NCOA2: variants seen among roughly 807,000 people sequenced by gnomAD.
NCOA2 encodes the protein nuclear receptor coactivator 2.
In NCOA2, 21 loss-of-function variants were observed where a neutral mutation model predicts 145.1. That is an observed-to-expected ratio of 0.14 (90% confidence interval 0.10 to 0.21). The LOEUF (loss-of-function observed/expected upper bound fraction) is 0.21, where lower values mean the gene tolerates loss of function less well. Among genes scored for constraint, NCOA2 ranks in the 10% least tolerant of loss-of-function variants. NCOA2 has a pLI of 1.00. For missense variants in NCOA2, 1,472 were observed against 1,837.6 expected (o/e 0.80, Z 3.64); for synonymous variants, 619 against 637.5 (o/e 0.97, Z 0.44).
chr8:70,273,991 C>A (rs774288765), intron 2 of NCOA2, among the ~76,000 whole-genome samples: 1 of 152,064 alleles, frequency 6.6e-6, no homozygotes, highest in Non-Finnish European at 1.5e-5. Context: ...AGCTCAAGTC[C>A]CTTGGACACT....
intron 1 of NCOA2, among the ~76,000 whole-genome samples, chr8:70,368,504 A>T (rs1373475384): frequency 6.6e-6 from 1 of 152,228 alleles, no homozygotes; most frequent in Non-Finnish European, 1.5e-5. Flanking sequence ...TACAGCCATT[A>T]TTTAGTTTTT....
intron 1 of NCOA2, among the ~76,000 whole-genome samples, chr8:70,403,443 C>T (rs1192084956): frequency 6.6e-6 from 1 of 151,560 alleles, no homozygotes; most frequent in Non-Finnish European, 1.5e-5. Context: ...GGGGACTCCG[C>T]GTCTCCCCGT....
chr8:70,223,551 T>C (rs975699489), intron 2 of NCOA2, among the ~76,000 whole-genome samples: 4 of 152,202 alleles, frequency 2.6e-5, no homozygotes, highest in East Asian at 1.9e-4. Flanking sequence ...ATACATCTTA[T>C]AGATTATCTA....
chr8:70,165,541 A>G (rs1291059468), intron 7 of NCOA2, among the ~76,000 whole-genome samples: 1 of 152,148 alleles, frequency 6.6e-6, no homozygotes, highest in African/African-American at 2.4e-5. Flanking sequence ...CCCACGCACA[A>G]TGCACTCTTC....
At chr8:70,319,131 G>A (rs919623648) in intron 1 of NCOA2, among the ~76,000 whole-genome samples, 1 of 152,148 alleles carries the variant, frequency 6.6e-6, no homozygotes, top group African/African-American at 2.4e-5. Flanking sequence ...CAATGAAACG[G>A]GAAAGACGGA....
chr8:70,145,913 G>A (rs902451364), intron 12 of NCOA2, among the ~76,000 whole-genome samples: 5 of 152,192 alleles, frequency 3.3e-5, no homozygotes, highest in African/African-American at 1.2e-4. Context: ...TTACAGGCAT[G>A]AGCCACCGTG....
At chr8:70,294,424 A>T (rs1826930728) in intron 2 of NCOA2, among the ~76,000 whole-genome samples, 1 of 152,158 alleles carries the variant, frequency 6.6e-6, no homozygotes, top group Non-Finnish European at 1.5e-5. Context: ...CAGAAAAAGG[A>T]ATTAGAATAG....
intron 1 of NCOA2, among the ~76,000 whole-genome samples, chr8:70,342,555 T>A (rs1271296997): frequency 6.6e-6 from 1 of 152,018 alleles, no homozygotes; most frequent in African/African-American, 2.4e-5. Flanking sequence ...TGGTTCTACA[T>A]CTACAAACAC....
rs1407363881 is a variant in NCOA2 at position 70,269,116 on chromosome 8, A to AT, written c.-20+27627dup. 2.0e-5 allele frequency among the ~76,000 whole-genome samples: 3 copies of AT among 152,296 alleles called. No individual in the cohort carries two copies. The East Asian group carries it at 5.8e-4, about 29-fold the overall frequency. On this transcript the variant is annotated intron_variant, in intron 2 of 22. Coordinates refer to ENST00000452400, the MANE Select transcript of NCOA2 (RefSeq NM_006540.4). ...CCAAGAATTTTATATCAAAAATGTA[A>AT]TTTTTTAAAATCAGTTATATAAAAT...
chr8:70,292,651 T>A (rs1826786060), intron 2 of NCOA2, among the ~76,000 whole-genome samples: 1 of 152,190 alleles, frequency 6.6e-6, no homozygotes. Context: ...TCCTTTTTAA[T>A]TTAATAATTT....
At chr8:70,151,638 G>A (rs1811761600) in intron 11 of NCOA2, among the ~76,000 whole-genome samples, 1 of 152,096 alleles carries the variant, frequency 6.6e-6, no homozygotes, top group Non-Finnish European at 1.5e-5. Flanking sequence ...AGTATCAAAA[G>A]GAACTAGTTC....
chr8:70,156,160 C>T lies in NCOA2; in HGVS notation c.2205G>A (p.Val735=). ...GTGCATTCTCTTTCTTCTTGGGGCT[C>T]ACCGGCTCTTGTTTAATAGTCACTT... ...GSEVTIKQEP[V]SPKKKENALL... The change falls in exon 11 of 23, where the codon GTG becomes GTA. Residue 735 remains valine (V), a synonymous_variant. Coordinates refer to ENST00000452400, the MANE Select transcript of NCOA2 (RefSeq NM_006540.4). 6.2e-7 allele frequency: 1 copy of T among 1,613,820 alleles called. No homozygotes were observed. The highest frequency in any genetic ancestry group is 8.5e-7 in the Non-Finnish European group (1 of 1,179,838).
intron 2 of NCOA2, among the ~76,000 whole-genome samples, chr8:70,244,677 A>T (rs538618371): frequency 6.6e-6 from 1 of 152,292 alleles, no homozygotes; most frequent in East Asian, 1.9e-4. Context: ...TTCCTTAATA[A>T]TTAAGATTTG....
At chr8:70,366,544 TTAA>T (rs1394892425) in intron 1 of NCOA2, among the ~76,000 whole-genome samples, 1 of 151,210 alleles carries the variant, frequency 6.6e-6, no homozygotes, top group African/African-American at 2.4e-5. Context: ...TATGTATATA[TTAA>T]TGTTATTTTT....
chr8:70,327,014 C>T (rs1043510643), intron 1 of NCOA2, among the ~76,000 whole-genome samples: 3 of 152,298 alleles, frequency 2.0e-5, no homozygotes, highest in Admixed American at 2.0e-4. Flanking sequence ...CTTTACCAGC[C>T]ACTAACTCAC....
intron 2 of NCOA2, among the ~76,000 whole-genome samples, chr8:70,221,217 A>G (rs1820105663): frequency 6.6e-6 from 1 of 152,226 alleles, no homozygotes; most frequent in Admixed American, 6.5e-5. Flanking sequence ...CTCAAGCAAT[A>G]TTAAAAGTAT....
intron 2 of NCOA2, among the ~76,000 whole-genome samples, chr8:70,225,694 T>C (rs2134114837): frequency 6.6e-6 from 1 of 152,200 alleles, no homozygotes; most frequent in South Asian, 2.1e-4. Context: ...CTCAGATGAG[T>C]GTTATCTGAG....
chr8:70,369,039 C>T (rs780563707), intron 1 of NCOA2, among the ~76,000 whole-genome samples: 2 of 152,188 alleles, frequency 1.3e-5, no homozygotes, highest in African/African-American at 2.4e-5. Context: ...CCATTTCTGT[C>T]CCATTAACTA....
intron 1 of NCOA2, among the ~76,000 whole-genome samples, chr8:70,401,326 C>T (rs574027182): frequency 1.6e-4 from 25 of 152,256 alleles, no homozygotes; most frequent in African/African-American, 5.3e-4. Context: ...ACACACTGTA[C>T]AATTCAGCAG....
Sources: allele counts gnomAD v4.1 joint callset (sites outside exome capture counted in the v4.1 genomes callset), GRCh38; gene constraint gnomAD v4.1.1; transcripts MANE v1.5; gene names NCBI Gene and HGNC (gene_info 2026-07-23, HGNC 2026-07-21).